Variants in COL4A1 observed in about 807,000 individuals in gnomAD.
COL4A1 encodes the protein collagen type IV alpha 1 chain.
COL4A1 carries 40 observed loss-of-function variants against 216.6 expected under a neutral mutation model. The ratio of observed to expected loss-of-function variants is 0.18; its 90% CI spans 0.14 to 0.24. The LOEUF is 0.24. Among genes scored for constraint, COL4A1 ranks in the 10% least tolerant of loss-of-function variants. The pLI is 1.00. For synonymous variants in COL4A1, 839 were observed against 810.7 expected, an observed-to-expected ratio of 1.03 and a Z score of -0.59; for missense variants, 1,628 against 2,196.8, an observed-to-expected ratio of 0.74 and a Z score of 5.18.
chr13:110,296,271 C>A (rs1023578100), intron 1 of COL4A1, among the ~76,000 whole-genome samples: 2 of 152,216 alleles, frequency 1.3e-5, no homozygotes, highest in Non-Finnish European at 2.9e-5. Flanking sequence ...AAGCCAAGGG[C>A]TCCATCTTGG....
At chr13:110,278,441 T>A (rs1883505274) in intron 1 of COL4A1, among the ~76,000 whole-genome samples, 1 of 152,230 alleles carries the variant, frequency 6.6e-6, no homozygotes, top group Non-Finnish European at 1.5e-5. Flanking sequence ...TTGCATTTCA[T>A]ACAATACTCT....
chr13:110,241,608 AG>A (rs1881571525), intron 2 of COL4A1, among the ~76,000 whole-genome samples: 3 of 152,232 alleles, frequency 2.0e-5, no homozygotes, highest in African/African-American at 7.2e-5. Context: ...AAGATAAATT[AG>A]AGTTGATATG....
intron 2 of COL4A1, among the ~76,000 whole-genome samples, chr13:110,231,969 C>T (rs1462908764): frequency 6.6e-6 from 1 of 152,216 alleles, no homozygotes; most frequent in African/African-American, 2.4e-5. Flanking sequence ...AAGAAATTCA[C>T]ATCTATCATT....
Position 110,179,040 on chromosome 13 carries a change from G to C in COL4A1, c.2345-4C>G. The stretch of plus-strand genomic sequence containing the variant: ...AATCCAGGAGGTCCCGGTTCACCTG[G>C]AGAAGAAAAATTGAGAGTAAGCTGT... On this transcript the variant is annotated splice_polypyrimidine_tract_variant and splice_region_variant and intron_variant, in intron 30 of 51. Transcript: ENST00000375820. 2 of 1,607,558 alleles carry C rather than the reference G, an allele frequency of 1.2e-6. No homozygotes were observed. The highest frequency in any genetic ancestry group is 1.7e-6 in the Non-Finnish European group (2 of 1,177,198).
At chr13:110,168,978 A>G (rs1329509784) in intron 43 of COL4A1, among the ~76,000 whole-genome samples, 1 of 152,182 alleles carries the variant, frequency 6.6e-6, no homozygotes, top group Non-Finnish European at 1.5e-5. Context: ...CTAAAAATCA[A>G]ACCAAAGATC....
intron 1 of COL4A1, among the ~76,000 whole-genome samples, chr13:110,295,424 T>C (rs934696818): frequency 0.14 from 1,559 of 10,824 alleles, 20 homozygotes; most frequent in African/African-American, 0.24. Context: ...TTCACTTCCT[T>C]TTTTTTTTTT....
At chr13:110,275,637 G>A (rs574459162) in intron 1 of COL4A1, among the ~76,000 whole-genome samples, 31 of 152,128 alleles carry the variant, frequency 2.0e-4, no homozygotes, top group Non-Finnish European at 4.1e-4. Context: ...GCCAACGCTC[G>A]GGGGCAACCA....
chr13:110,306,503 G>A (rs1168788528), intron 1 of COL4A1, among the ~76,000 whole-genome samples: 1 of 152,194 alleles, frequency 6.6e-6, no homozygotes, highest in Non-Finnish European at 1.5e-5. Context: ...GCTGCTCCCA[G>A]GGGCTAGGAG....
intron 2 of COL4A1, among the ~76,000 whole-genome samples, chr13:110,232,380 G>A (rs747557452): frequency 1.7e-4 from 26 of 152,236 alleles, no homozygotes; most frequent in Non-Finnish European, 3.4e-4. Flanking sequence ...ATTTTTGAGC[G>A]TGCAGTTCTC....
At chr13:110,226,359 C>T (rs1880736646) in intron 2 of COL4A1, among the ~76,000 whole-genome samples, 1 of 152,196 alleles carries the variant, frequency 6.6e-6, no homozygotes, top group African/African-American at 2.4e-5. Context: ...CTTAGTAAAG[C>T]CACCACACTC....
intron 51 of COL4A1, among the ~76,000 whole-genome samples, chr13:110,151,087 C>T (rs1231918186): frequency 6.6e-6 from 1 of 152,056 alleles, no homozygotes; most frequent in African/African-American, 2.4e-5. Flanking sequence ...AAAATCTGAA[C>T]TAAAATTGTT....
chr13:110,303,612 C>T (rs1040553416), intron 1 of COL4A1, among the ~76,000 whole-genome samples: 9 of 152,156 alleles, frequency 5.9e-5, no homozygotes, highest in African/African-American at 2.2e-4. Context: ...GTGTATAGTT[C>T]CTATTTCTCC....
chr13:110,302,115 C>T lies in COL4A1; in HGVS notation c.84+4829G>A, dbSNP rs142471062. Among the ~76,000 whole-genome samples, 75 of 152,236 alleles carry T rather than the reference C, an allele frequency of 4.9e-4. 1 individual carries two copies. Among genetic ancestry groups the T allele is most frequent in the Middle Eastern group, 6.8e-3 (2 of 294 alleles). On this transcript the variant is annotated intron_variant, in intron 1 of 51. Transcript: ENST00000375820. ...CGTGGGAAGGGAAAGCTGCGGGCAC[C>T]TCTGGGAAGCATCCAGAAAGAAGTA... is the stretch of plus-strand genomic sequence containing the variant.
At chr13:110,261,035 TCA>T (rs1491134756) in intron 1 of COL4A1, among the ~76,000 whole-genome samples, 11 of 42,162 alleles carry the variant, frequency 2.6e-4, no homozygotes, top group East Asian at 5.8e-4. Context: ...AGACTCCGTC[TCA>T]AAAAAAAAAA....
intron 49 of COL4A1, among the ~76,000 whole-genome samples, chr13:110,159,325 A>G (rs892543408): frequency 2.6e-5 from 4 of 152,212 alleles, no homozygotes; most frequent in African/African-American, 9.7e-5. Context: ...GTATAATTTT[A>G]TGTATAAAGC....
chr13:110,216,663 T>C (rs893220945), intron 2 of COL4A1, among the ~76,000 whole-genome samples: 4 of 152,202 alleles, frequency 2.6e-5, no homozygotes, highest in African/African-American at 9.7e-5. Context: ...AGTTTCTCAC[T>C]GAGTCAGCAC....
chr13:110,201,393 A>C, intron 19 of COL4A1, 45 bp downstream of exon 19: 1 of 1,211,302 alleles, frequency 8.3e-7, no homozygotes, highest in Non-Finnish European at 1.1e-6. Context: ...AGGAGGAGAG[A>C]AGGAGGGGGA....
chr13:110,257,173 G>A (rs1253330486), intron 1 of COL4A1, among the ~76,000 whole-genome samples: 1 of 152,186 alleles, frequency 6.6e-6, no homozygotes, highest in African/African-American at 2.4e-5. Context: ...AATATTATCT[G>A]ATTTGTATCT....
intron 2 of COL4A1, among the ~76,000 whole-genome samples, chr13:110,217,693 T>C (rs1271164481): frequency 6.6e-6 from 1 of 152,164 alleles, no homozygotes; most frequent in East Asian, 1.9e-4. Context: ...AGGAAAATCA[T>C]ACGCCAAAGC....
Sources: gnomAD v4.1 joint callset for allele counts (sites outside exome capture counted in the v4.1 genomes callset) on GRCh38, gnomAD v4.1.1 for gene constraint, MANE v1.5 for transcripts, NCBI Gene and HGNC (gene_info 2026-07-23, HGNC 2026-07-21) for gene names.